The following PCDHGA5 variants were observed in gnomAD, a reference collection of about 807,000 sequenced individuals.
PCDHGA5 encodes the protein protocadherin gamma subfamily A, 5, also known as protocadherin gamma-A5.
PCDHGA5 carries 36 observed loss-of-function variants against 56.7 expected under a neutral mutation model. The ratio of observed to expected loss-of-function variants is 0.64; its 90% CI spans 0.49 to 0.84. The LOEUF (loss-of-function observed/expected upper bound fraction) is 0.84, where lower values mean the gene tolerates loss of function less well. Ranked by LOEUF, PCDHGA5 falls within the 40% of genes least tolerant of loss-of-function variation. PCDHGA5 has a pLI of 0.00. For missense variants in PCDHGA5, 1,305 were observed against 1,201.5 expected, an observed-to-expected ratio of 1.09 and a Z score of -1.27; for synonymous variants, 563 against 520.2, an observed-to-expected ratio of 1.08 and a Z score of -1.12.
rs1561869085 is a variant in PCDHGA5, at chr5:141,433,357, GCCTA to G, written c.2422-61449_2422-61446del. On this transcript the variant is annotated intron_variant, in intron 1 of 3. Transcript: ENST00000518069. ...TACAGGTGCAAGCCACCTACTGTCT[GCCTA>G]TCTATCTATCTATCTATCTATCTAT... is the stretch of plus-strand genomic sequence containing the variant. 3 of 568,974 alleles carry G rather than the reference GCCTA, an allele frequency of 5.3e-6. No homozygotes were observed. In the African/African-American group the frequency reaches 6.4e-5, roughly 12 times the overall value. The allele number at this position is 568,974 out of a possible 1,614,324, so 35.2% of individuals were successfully genotyped here.
At chr5:141,408,302 C>G (rs1017556555) in intron 1 of PCDHGA5, 1 of 1,613,662 alleles carries the variant, frequency 6.2e-7, no homozygotes. Flanking sequence ...TGAGCCGATC[C>G]GCTACTCGAT....
chr5:141,487,530 T>C lies in PCDHGA5; in HGVS notation c.2422-7277T>C. The stretch of plus-strand genomic sequence containing the variant: ...GCACCCACTCGGAGTGATAGCTTCA[T>C]GATGGTGAAGTCACCCAGTGCACCT... On this transcript the variant is annotated intron_variant, in intron 1 of 3. Coordinates refer to ENST00000518069, the MANE Select transcript of PCDHGA5 (RefSeq NM_018918.3). This position sits in a 1 kb window ranked among gnomAD's most constrained non-coding sequence, Gnocchi z 5.0. The C allele has an allele frequency of 6.2e-7, 1 of 1,614,218 alleles. No individual in the cohort carries two copies. The highest frequency in any genetic ancestry group is 8.5e-7 in the Non-Finnish European group (1 of 1,180,040).
chr5:141,486,730 T>G lies in PCDHGA5; in HGVS notation c.2422-8077T>G, dbSNP rs775081505. On this transcript the variant is annotated intron_variant, in intron 1 of 3. Coordinates refer to ENST00000518069, the MANE Select transcript of PCDHGA5 (RefSeq NM_018918.3). This position sits in a 1 kb window ranked among gnomAD's most constrained non-coding sequence, Gnocchi z 5.0. ...ACCCCCAGACAGGAGCTGTTCATGC[T>G]ACTCGATCCTTTGACTATGAGCAAA... is the stretch of plus-strand genomic sequence containing the variant. 6.2e-7 allele frequency: 1 copy of G among 1,614,238 alleles called. No individual in the cohort carries two copies. The highest frequency in any genetic ancestry group is 8.5e-7 in the Non-Finnish European group (1 of 1,180,042).
rs575828819 is a variant in PCDHGA5 at position 141,366,469 on chromosome 5, G to T, written c.2139G>T (p.Val713=). 4 of 1,614,256 alleles carry T rather than the reference G, an allele frequency of 2.5e-6. No individual in the cohort carries two copies. Among genetic ancestry groups the T allele is most frequent in the Admixed American group, 1.7e-5 (1 of 60,038 alleles). The change falls in exon 1 of 4, where the codon GTG becomes GTT. Residue 713 remains valine (V), a synonymous_variant. Transcript: ENST00000518069. Reference sequence around the variant, plus strand: ...TGGCCTTCGTCATCGTGCTGCTGGTGCTCAGACTGAGGCGCTGGCACAAGT... The same window carrying T: ...TGGCCTTCGTCATCGTGCTGCTGGTTCTCAGACTGAGGCGCTGGCACAAGT... The part of the protein sequence containing the change: ...VFLAFVIVLL[V]LRLRRWHKSR...
rs752316565 is a variant in PCDHGA5 at position 141,487,235 on chromosome 5, C to T, written c.2422-7572C>T. On this transcript the variant is annotated intron_variant, in intron 1 of 3. Coordinates refer to ENST00000518069, the MANE Select transcript of PCDHGA5 (RefSeq NM_018918.3). This position sits in a 1 kb window ranked among gnomAD's most constrained non-coding sequence, Gnocchi z 5.0. The stretch of plus-strand genomic sequence containing the variant: ...TTCAGCTCCAAGGGAAGGAGAATCT[C>T]GTCTAACCCTCTACTTGGCTGTGTC... The T allele has an allele frequency of 2.5e-6, 4 of 1,614,126 alleles. No individual in the cohort carries two copies. Among genetic ancestry groups the T allele is most frequent in the Non-Finnish European group, 3.4e-6 (4 of 1,179,994 alleles).
At chr5:141,434,338 G>A (rs1037038534) in intron 1 of PCDHGA5, among the ~76,000 whole-genome samples, 5 of 152,086 alleles carry the variant, frequency 3.3e-5, no homozygotes, top group East Asian at 1.9e-4. Context: ...TCTTTGTGTC[G>A]GGAACAGGCC....
At chr5:141,508,681 C>T (rs970069) in intron 3 of PCDHGA5, among the ~76,000 whole-genome samples, 26,289 of 151,984 alleles carry the variant, frequency 0.17, 2,539 homozygotes, top group Admixed American at 0.29. Flanking sequence ...CTCCCTTCTC[C>T]CTGCTTCTCC....
intron 1 of PCDHGA5, chr5:141,389,333 C>T (rs753436946): frequency 6.2e-7 from 1 of 1,614,016 alleles, no homozygotes; most frequent in South Asian, 1.1e-5. Flanking sequence ...GGCCCAACGG[C>T]CAAGTCTCTT....
chr5:141,422,629 A>C lies in PCDHGA5; in HGVS notation c.2421+55878A>C, dbSNP rs780472571. 1.9e-6 allele frequency: 3 copies of C among 1,613,270 alleles called. No homozygotes were observed. The Admixed American group carries it at 5.0e-5, about 27-fold the overall frequency. Reference sequence around the variant, plus strand: ...TGCCTACATTCCCGAAAACAACCCCAGGGGTGCCTCCATCTTCTCAGTGAC... The same window carrying C: ...TGCCTACATTCCCGAAAACAACCCCCGGGGTGCCTCCATCTTCTCAGTGAC... On this transcript the variant is annotated intron_variant, in intron 1 of 3. Transcript: ENST00000518069.
At chr5:141,414,414 C>T (rs376404716) in intron 1 of PCDHGA5, 4 of 1,613,830 alleles carry the variant, frequency 2.5e-6, no homozygotes, top group South Asian at 1.1e-5. Context: ...TACACAGAGC[C>T]CTTGACAGGG....
chr5:141,475,823 T>C (rs2099373850), intron 1 of PCDHGA5: 1 of 360,288 alleles, frequency 2.8e-6, no homozygotes, highest in Non-Finnish European at 5.0e-6. Context: ...TTCCTGGCGC[T>C]AGCGCGTGTC....
At chr5:141,475,132 T>C (rs563015610) in intron 1 of PCDHGA5, among the ~76,000 whole-genome samples, 14 of 152,322 alleles carry the variant, frequency 9.2e-5, no homozygotes, top group African/African-American at 2.6e-4. Context: ...TTTTTTCTTT[T>C]TGAAATCTTC....
At chr5:141,408,884 A>G (rs755835568) in intron 1 of PCDHGA5, 2 of 1,613,384 alleles carry the variant, frequency 1.2e-6, no homozygotes, top group Non-Finnish European at 1.7e-6. Context: ...CACCGCTCAC[A>G]TAGAAATTTC....
chr5:141,494,198 C>T (rs1383940298), intron 1 of PCDHGA5, among the ~76,000 whole-genome samples: 8 of 152,158 alleles, frequency 5.3e-5, no homozygotes, highest in African/African-American at 1.7e-4. Context: ...TTGGATGCCC[C>T]GCAAAGGCCC....
At chr5:141,422,683 G>A in intron 1 of PCDHGA5, 1 of 1,605,286 alleles carries the variant, frequency 6.2e-7, no homozygotes, top group Non-Finnish European at 8.5e-7. Flanking sequence ...CAAACAGAAT[G>A]CCCTGGTCAC....
At chr5:141,370,435 G>A (rs748496364) in intron 1 of PCDHGA5, 30 of 1,603,488 alleles carry the variant, frequency 1.9e-5, no homozygotes, top group Middle Eastern at 1.7e-4. Context: ...GCAGGGCAGA[G>A]GCGAATGCTA....
At chr5:141,455,740 G>C (rs2098830344) in intron 1 of PCDHGA5, among the ~76,000 whole-genome samples, 1 of 152,136 alleles carries the variant, frequency 6.6e-6, no homozygotes, top group Non-Finnish European at 1.5e-5. Context: ...GCATATCAAA[G>C]GTTGCTGGCC....
Position 141,490,721 on chromosome 5 carries a change from T to C in PCDHGA5, c.2422-4086T>C, listed in dbSNP as rs779242781. On this transcript the variant is annotated intron_variant, in intron 1 of 3. Coordinates refer to ENST00000518069, the MANE Select transcript of PCDHGA5 (RefSeq NM_018918.3). This position sits in a 1 kb window ranked among gnomAD's most constrained non-coding sequence, Gnocchi z 5.4. The stretch of plus-strand genomic sequence containing the variant: ...AATGCCCGCCTCACCTACTCCATTG[T>C]AGGAAATCAGGTTCAGGGAGCCCCA... 23 of 1,614,056 alleles carry C rather than the reference T, an allele frequency of 1.4e-5. No individual in the cohort carries two copies. The highest frequency in any genetic ancestry group is 6.6e-5 in the South Asian group (6 of 91,080).
At chr5:141,422,415 A>C (rs1330043187) in intron 1 of PCDHGA5, 1 of 1,604,786 alleles carries the variant, frequency 6.2e-7, no homozygotes, top group Admixed American at 1.7e-5. Flanking sequence ...TTAAATTAGA[A>C]AAGACTTATG....
Sources: allele counts gnomAD v4.1 joint callset (sites outside exome capture counted in the v4.1 genomes callset), GRCh38; gene constraint gnomAD v4.1.1; non-coding constraint Gnocchi (gnomAD v3.1); transcripts MANE v1.5; gene names NCBI Gene and HGNC (gene_info 2026-07-23, HGNC 2026-07-21).